KANK1: variants seen among roughly 807,000 people sequenced by gnomAD.
The protein encoded by KANK1 is KN motif and ankyrin repeat domain-containing protein 1.
In KANK1, 109 loss-of-function variants were observed where a neutral mutation model predicts 106.2. The ratio of observed to expected loss-of-function variants is 1.03; its 90% CI spans 0.88 to 1.20. The LOEUF (loss-of-function observed/expected upper bound fraction) is 1.20. KANK1 is among the 50% of genes most tolerant of loss of function. KANK1 has a pLI of 0.00. For synonymous variants in KANK1, 873 were observed against 652.2 expected, an observed-to-expected ratio of 1.34 and a Z score of -5.16; for missense variants, 2,399 against 1,710.7, an observed-to-expected ratio of 1.40 and a Z score of -7.10.
chr9:475,335 A>C (rs941359689), intron 3 of KANK1, among the ~76,000 whole-genome samples: 1 of 152,218 alleles, frequency 6.6e-6, no homozygotes, highest in Non-Finnish European at 1.5e-5. Context: ...GCCCACCCCA[A>C]GGGAAGAATT....
rs1032875221 is a variant in KANK1 at position 517,066 on chromosome 9, G to T, written c.-84+12312G>T. ...TTTTGGTGGGCTCAGAGCCACGAGG[G>T]AGCTATTAGTTATCCTTCCAAAATT... On this transcript the variant is annotated intron_variant, in intron 1 of 11. Coordinates refer to ENST00000382297, the MANE Select transcript of KANK1 (RefSeq NM_015158.5). 2.0e-4 allele frequency among the ~76,000 whole-genome samples: 30 copies of T among 149,498 alleles called. 2 individuals carry two copies. Among genetic ancestry groups the T allele is most frequent in the African/African-American group, 7.2e-4 (29 of 40,010 alleles).
chr9:672,793 A>G (rs139807567), intron 1 of KANK1, among the ~76,000 whole-genome samples: 1 of 152,338 alleles, frequency 6.6e-6, no homozygotes, highest in East Asian at 1.9e-4. Flanking sequence ...ATCTACTAAA[A>G]CATGCATCAG....
At chr9:639,440 C>CCTGTAAT (rs1837889631) in intron 1 of KANK1, among the ~76,000 whole-genome samples, 1 of 152,198 alleles carries the variant, frequency 6.6e-6, no homozygotes, top group African/African-American at 2.4e-5. Context: ...CCTCAGCCTC[C>CCTGTAAT]CAAGTAGCTG....
intron 1 of KANK1, among the ~76,000 whole-genome samples, chr9:617,366 G>T (rs1367316394): frequency 6.6e-6 from 1 of 152,116 alleles, no homozygotes; most frequent in Non-Finnish European, 1.5e-5. Flanking sequence ...TGGGGAGGAG[G>T]GGGGTTGTGG....
At chr9:595,305 C>T (rs2135679477) in intron 1 of KANK1, among the ~76,000 whole-genome samples, 1 of 151,828 alleles carries the variant, frequency 6.6e-6, no homozygotes, top group South Asian at 2.1e-4. Context: ...GAAAGTTATT[C>T]ACATGGCCCA....
At chr9:680,250 C>A (rs1434468647) in intron 2 of KANK1, among the ~76,000 whole-genome samples, 1 of 152,030 alleles carries the variant, frequency 6.6e-6, no homozygotes, top group Non-Finnish European at 1.5e-5. Context: ...AAAAGAGGAG[C>A]CTCTGGGAAA....
chr9:638,512 T>C (rs766472314), intron 1 of KANK1, among the ~76,000 whole-genome samples: 2 of 152,210 alleles, frequency 1.3e-5, no homozygotes, highest in Non-Finnish European at 2.9e-5. Flanking sequence ...ATAAATCTCT[T>C]ATTTCCTGGC....
chr9:744,754 A>G (rs1836757068), intron 11 of KANK1, 165 bp downstream of exon 11: 2 of 1,510,358 alleles, frequency 1.3e-6, no homozygotes, highest in Non-Finnish European at 1.8e-6. Flanking sequence ...CCCCGCAAAA[A>G]GCAGGAGAAC....
At chr9:682,832 C>G (rs568322101) in intron 2 of KANK1, among the ~76,000 whole-genome samples, 1 of 152,132 alleles carries the variant, frequency 6.6e-6, no homozygotes, top group Non-Finnish European at 1.5e-5. Context: ...GTACAAAGGC[C>G]ACTGATAAGA....
chr9:617,713 C>T (rs995705552), intron 1 of KANK1, among the ~76,000 whole-genome samples: 1 of 152,202 alleles, frequency 6.6e-6, no homozygotes, highest in African/African-American at 2.4e-5. Flanking sequence ...ACAGTCTGCA[C>T]CTCTCTTCCT....
rs542583804 is a variant in KANK1, at chr9:523,678, C to T, written c.-84+18924C>T. Among the ~76,000 whole-genome samples the T allele has an allele frequency of 5.3e-5, 8 of 151,740 alleles. No individual in the cohort carries two copies. In the South Asian group the frequency reaches 1.5e-3, roughly 28 times the overall value. ...CTCCCTTAGGGCCTTTGCACTGGCT[C>T]CTTCCTGGGGCTGGAGTGCTCTGTC... On this transcript the variant is annotated intron_variant, in intron 1 of 11. Coordinates refer to ENST00000382297, the MANE Select transcript of KANK1 (RefSeq NM_015158.5).
At chr9:620,002 T>C (rs924637084) in intron 1 of KANK1, among the ~76,000 whole-genome samples, 1 of 151,948 alleles carries the variant, frequency 6.6e-6, no homozygotes, top group Non-Finnish European at 1.5e-5. Context: ...CCTAGTGTGG[T>C]GGTGTGCGCC....
intron 1 of KANK1, among the ~76,000 whole-genome samples, chr9:604,643 C>G (rs1828631536): frequency 6.6e-6 from 1 of 151,646 alleles, no homozygotes; most frequent in African/African-American, 2.4e-5. Context: ...ACCAGTCTGG[C>G]CAACATGGCG....
At chr9:722,411 A>C (rs931474185) in intron 3 of KANK1, among the ~76,000 whole-genome samples, 19 of 152,046 alleles carry the variant, frequency 1.2e-4, no homozygotes, top group African/African-American at 4.4e-4. Flanking sequence ...CATTTTTTAA[A>C]GTCTCACCCT....
At chr9:537,891 G>C (rs969421959) in intron 1 of KANK1, among the ~76,000 whole-genome samples, 10 of 152,294 alleles carry the variant, frequency 6.6e-5, no homozygotes, top group African/African-American at 2.4e-4. Flanking sequence ...ACTTATTTTC[G>C]TGTGTCTTAA....
In KANK1 at chr9:738,419, C is replaced by G; in HGVS notation, c.3468C>G (p.Asn1156Lys). ...ISPDVLRYVI[N>K]LADGNGNTAL... ...CAGATGTCCTCCGCTATGTCATCAA[C>G]TTGGCAGACGGCAACGGCAACACAG... The change falls in exon 8 of 12, where the codon AAC (asparagine) becomes AAG (lysine). Residue 1156 changes from asparagine (N) to lysine (K), a missense_variant. Physicochemically the swap from Asn to Lys is moderately conservative, Grantham distance 94. Transcript: ENST00000382297. 2 of 1,614,130 alleles carry G rather than the reference C, an allele frequency of 1.2e-6. No individual in the cohort carries two copies. Among genetic ancestry groups the G allele is most frequent in the Non-Finnish European group, 1.7e-6 (2 of 1,180,024 alleles).
chr9:503,023 T>A (rs1587287923), upstream of KANK1, among the ~76,000 whole-genome samples: 1 of 143,488 alleles, frequency 7.0e-6, no homozygotes, highest in East Asian at 2.0e-4. Flanking sequence ...TTTTTTTTTT[T>A]TTTTTGGTGA....
At chr9:528,026 G>A (rs1416897812) in intron 1 of KANK1, among the ~76,000 whole-genome samples, 1 of 151,758 alleles carries the variant, frequency 6.6e-6, no homozygotes, top group East Asian at 1.9e-4. Context: ...CCAGCTACTC[G>A]GGAGGCTGAG....
intron 1 of KANK1, among the ~76,000 whole-genome samples, chr9:580,670 C>T (rs1054443010): frequency 2.6e-5 from 4 of 152,362 alleles, no homozygotes; most frequent in African/African-American, 9.6e-5. Context: ...TAAAGGTTCT[C>T]CAAGTGCCCA....
Sources: gnomAD v4.1 joint callset for allele counts (sites outside exome capture counted in the v4.1 genomes callset) on GRCh38, gnomAD v4.1.1 for gene constraint, MANE v1.5 for transcripts, NCBI Gene and HGNC (gene_info 2026-07-23, HGNC 2026-07-21) for gene names.